The following ADAMTS16 variants were observed in gnomAD, a reference collection of about 807,000 sequenced individuals.
ADAMTS16 encodes ADAM metallopeptidase with thrombospondin type 1 motif 16.
ADAMTS16 carries 94 observed loss-of-function variants against 145.8 expected under a neutral mutation model. The observed-to-expected ratio is 0.64, with a 90% CI of 0.55 to 0.77. The LOEUF is 0.77. Among genes scored for constraint, ADAMTS16 ranks in the 30% least tolerant of loss-of-function variants. ADAMTS16 has a pLI of 0.00. For missense variants in ADAMTS16, 1,585 were observed against 1,591.5 expected, an observed-to-expected ratio of 1.00 and a Z score of 0.07; for synonymous variants, 659 against 604.3, an observed-to-expected ratio of 1.09 and a Z score of -1.33.
intron 3 of ADAMTS16, among the ~76,000 whole-genome samples, chr5:5,180,564 A>G (rs1220337179): frequency 1.3e-5 from 2 of 152,218 alleles, no homozygotes; most frequent in Non-Finnish European, 2.9e-5. Flanking sequence ...GAAGATGGTT[A>G]TTGTTCCAAC....
chr5:5,285,430 C>T (rs902005524), intron 18 of ADAMTS16, among the ~76,000 whole-genome samples: 1 of 152,212 alleles, frequency 6.6e-6, no homozygotes, highest in East Asian at 1.9e-4. Flanking sequence ...GTTCCAAACT[C>T]GGGTGCAGCC....
intron 3 of ADAMTS16, among the ~76,000 whole-genome samples, chr5:5,156,453 A>T (rs780619551): frequency 3.3e-5 from 5 of 152,192 alleles, no homozygotes; most frequent in Admixed American, 6.5e-5. Flanking sequence ...GGGAAAAGAG[A>T]TCCCAAAAAC....
intron 10 of ADAMTS16, among the ~76,000 whole-genome samples, chr5:5,212,998 T>G (rs990830267): frequency 1.3e-5 from 2 of 152,224 alleles, no homozygotes; most frequent in Non-Finnish European, 2.9e-5. Context: ...ATCCCTAATT[T>G]AGAGTCTATG....
At chr5:5,146,068 A>T in intron 2 of ADAMTS16, 62 bp from the exon 3 acceptor site, 2 of 1,423,812 alleles carry the variant, frequency 1.4e-6, no homozygotes, top group Admixed American at 1.9e-5. Context: ...ATATCTTAAG[A>T]CTTCCTGATT....
intron 3 of ADAMTS16, among the ~76,000 whole-genome samples, chr5:5,152,522 G>A (rs1734501603): frequency 6.6e-6 from 1 of 152,206 alleles, no homozygotes; most frequent in African/African-American, 2.4e-5. Flanking sequence ...TGGAACTGAA[G>A]GAATTTCAGA....
intron 18 of ADAMTS16, among the ~76,000 whole-genome samples, chr5:5,271,180 C>T (rs1363395949): frequency 1.3e-5 from 2 of 152,274 alleles, no homozygotes; most frequent in African/African-American, 4.8e-5. Flanking sequence ...TGCAGCCTTG[C>T]AGGCTCCTGC....
intron 3 of ADAMTS16, among the ~76,000 whole-genome samples, chr5:5,153,530 A>G (rs554432402): frequency 6.6e-6 from 1 of 152,336 alleles, no homozygotes; most frequent in South Asian, 2.1e-4. Context: ...ATTTCTTGCT[A>G]TGACTAATGT....
chr5:5,200,227 C>T lies in ADAMTS16; in HGVS notation c.1409C>T (p.Ser470Phe). 6.2e-7 allele frequency: 1 copy of T among 1,613,260 alleles called. No homozygotes were observed. Among genetic ancestry groups the T allele is most frequent in the Non-Finnish European group, 8.5e-7 (1 of 1,179,776 alleles). ...TTGGCAGGACGCAATGGAGTCTTCT[C>T]CTGGTCACCCTGCAGCCGCCAGTAT... ...PTLAGRNGVFSWSPCSRQYLH... is the reference protein window; with the variant it reads ...PTLAGRNGVFFWSPCSRQYLH... The change falls in exon 9 of 23, where the codon TCC becomes TTC. Residue 470 changes from serine (S) to phenylalanine (F), a missense_variant. By Grantham distance (155) the Ser-to-Phe change is radical. This residue lies in a region of ADAMTS16 where 298 missense variants were observed against 367.6 expected (regional missense o/e 0.81). Transcript: ENST00000274181.
chr5:5,305,713 G>T (rs948970380), intron 20 of ADAMTS16, among the ~76,000 whole-genome samples: 2 of 152,192 alleles, frequency 1.3e-5, no homozygotes, highest in Non-Finnish European at 2.9e-5. Flanking sequence ...TGCCACCTGG[G>T]CTCCTCTGCT....
chr5:5,233,609 G>A (rs1737004418), intron 12 of ADAMTS16, among the ~76,000 whole-genome samples: 1 of 152,136 alleles, frequency 6.6e-6, no homozygotes, highest in Non-Finnish European at 1.5e-5. Context: ...TTCTGTCCCT[G>A]CGTTAGCTTA....
rs116559400 is a variant in ADAMTS16 at position 5,268,483 on chromosome 5, G to A, written c.2789+5700G>A. Reference sequence around the variant, plus strand: ...CAGTTTGTCAACATTAAATCCACCCGTGGGATCCTTCCAACGCACCTACCT... The same window carrying A: ...CAGTTTGTCAACATTAAATCCACCCATGGGATCCTTCCAACGCACCTACCT... On this transcript the variant is annotated intron_variant, in intron 18 of 22. Coordinates refer to ENST00000274181, the MANE Select transcript of ADAMTS16 (RefSeq NM_139056.4). 3.2e-3 allele frequency among the ~76,000 whole-genome samples: 491 copies of A among 152,254 alleles called. 2 individuals carry two copies. Among genetic ancestry groups the A allele is most frequent in the African/African-American group, 0.011 (467 of 41,534 alleles).
chr5:5,234,009 C>A (rs1737018253), intron 12 of ADAMTS16, among the ~76,000 whole-genome samples: 1 of 152,224 alleles, frequency 6.6e-6, no homozygotes, highest in Non-Finnish European at 1.5e-5. Context: ...CACCTGTTAT[C>A]TTTTAGCATT....
intron 10 of ADAMTS16, among the ~76,000 whole-genome samples, chr5:5,216,433 G>A (rs975046531): frequency 2.0e-5 from 3 of 151,176 alleles, no homozygotes; most frequent in African/African-American, 7.3e-5. Flanking sequence ...TTAGTCTTTT[G>A]TCAGACGTAT....
chr5:5,154,403 T>C (rs1734550287), intron 3 of ADAMTS16, among the ~76,000 whole-genome samples: 1 of 152,208 alleles, frequency 6.6e-6, no homozygotes, highest in Admixed American at 6.5e-5. Flanking sequence ...ATAAATATAA[T>C]AGTGCAATTT....
chr5:5,164,777 C>T (rs1560930060), intron 3 of ADAMTS16, among the ~76,000 whole-genome samples: 1 of 152,100 alleles, frequency 6.6e-6, no homozygotes, highest in Non-Finnish European at 1.5e-5. Flanking sequence ...CCCAGGTTCA[C>T]ACCATTCTCC....
rs115423709 is a variant in ADAMTS16 at position 5,211,813 on chromosome 5, G to A, written c.1605+2567G>A. 7.5e-3 allele frequency among the ~76,000 whole-genome samples: 1,140 copies of A among 152,014 alleles called. 17 individuals are homozygous for A. The highest frequency in any genetic ancestry group is 0.026 in the African/African-American group (1,077 of 41,482). On this transcript the variant is annotated intron_variant, in intron 10 of 22. Coordinates refer to ENST00000274181, the MANE Select transcript of ADAMTS16 (RefSeq NM_139056.4). ...GTAATTTCATTAACCAACATATTAC[G>A]TAGAAATATATTAAATATTATTTAA...
At position 5,143,968 on chromosome 5, in the gene ADAMTS16, C is replaced by T. The variant is rs555248356; in HGVS notation, c.176-2162C>T. Among the ~76,000 whole-genome samples the T allele has an allele frequency of 3.9e-4, 57 of 145,156 alleles. 2 individuals are homozygous for T. The South Asian group carries it at 0.011, about 28-fold the overall frequency. ...GCACAGGGAAAGGAACATCACACAC[C>T]GGGCTTGTTGGGGGGTGAGGGGCAA... On this transcript the variant is annotated intron_variant, in intron 2 of 22. Coordinates refer to ENST00000274181, the MANE Select transcript of ADAMTS16 (RefSeq NM_139056.4).
intron 11 of ADAMTS16, among the ~76,000 whole-genome samples, chr5:5,226,974 T>G (rs552836263): frequency 6.6e-6 from 1 of 151,054 alleles, no homozygotes; most frequent in Admixed American, 6.6e-5. Flanking sequence ...CTTCGGTCAC[T>G]GGGGACCTCT....
At chr5:5,300,090 G>T (rs1024444254) in intron 18 of ADAMTS16, among the ~76,000 whole-genome samples, 3 of 152,220 alleles carry the variant, frequency 2.0e-5, no homozygotes, top group African/African-American at 7.2e-5. Context: ...GATCGACCCA[G>T]TTGGAACGTC....
Sources: gnomAD v4.1 joint callset for allele counts (sites outside exome capture counted in the v4.1 genomes callset) on GRCh38, gnomAD v4.1.1 for gene constraint, gnomAD v4.1.1 regional missense constraint, MANE v1.5 for transcripts, NCBI Gene and HGNC (gene_info 2026-07-23, HGNC 2026-07-21) for gene names.